The following LRRC7 variants were observed in gnomAD, a reference collection of about 807,000 sequenced individuals.
LRRC7 encodes the protein leucine rich repeat containing 7, also known as leucine-rich repeat-containing protein 7.
LRRC7 carries 23 observed loss-of-function variants against 175.7 expected under a neutral mutation model. That is an observed-to-expected ratio of 0.13 (90% confidence interval 0.09 to 0.19). LRRC7 has a LOEUF of 0.19. Among genes scored for constraint, LRRC7 ranks in the 10% least tolerant of loss-of-function variants. LRRC7 has a pLI of 1.00. For missense variants in LRRC7, 1,354 were observed against 1,904.7 expected (o/e 0.71, Z 5.38); for synonymous variants, 685 against 680.9 (o/e 1.01, Z -0.09).
In LRRC7 at chr1:69,931,562, G is replaced by A. The variant is rs140920935; in HGVS notation, c.703G>A (p.Gly235Ser). The A allele has an allele frequency of 1.3e-5, 21 of 1,613,158 alleles. No homozygotes were observed. The highest frequency in any genetic ancestry group is 8.0e-5 in the African/African-American group (6 of 74,890). The change falls in exon 8 of 27, where the codon GGT becomes AGT. Residue 235 changes from glycine (G) to serine (S), a missense_variant. Physicochemically the swap from Gly to Ser is moderately conservative, Grantham distance 56. Coordinates refer to ENST00000651989, the MANE Select transcript of LRRC7 (RefSeq NM_001370785.2). ...ACTTGACCTAGGCAATAATGAATTC[G>A]GTGAGCTGGTAAGCAAATGCATTTT... is the stretch of plus-strand genomic sequence containing the variant. ...ERLDLGNNEF[G>S]ELPEVLDQIQ... is the part of the protein sequence containing the mutation.
At chr1:69,624,350 C>CAT (rs1375623229) in intron 1 of LRRC7, among the ~76,000 whole-genome samples, 4 of 152,124 alleles carry the variant, frequency 2.6e-5, no homozygotes, top group African/African-American at 7.2e-5. Flanking sequence ...TAAAGATGCA[C>CAT]ATATATATAT....
chr1:69,731,710 A>G (rs1667600566), intron 2 of LRRC7, among the ~76,000 whole-genome samples: 1 of 152,224 alleles, frequency 6.6e-6, no homozygotes, highest in African/African-American at 2.4e-5. Flanking sequence ...AAAATGTTCA[A>G]TGTCCAAAGT....
At chr1:69,703,279 T>C (rs993859582) in intron 2 of LRRC7, among the ~76,000 whole-genome samples, 1 of 151,792 alleles carries the variant, frequency 6.6e-6, no homozygotes, top group Non-Finnish European at 1.5e-5. Flanking sequence ...ATTAAATAGA[T>C]TATTTACTTT....
intron 7 of LRRC7, chr1:69,919,410 C>CA: frequency 1.3e-6 from 1 of 763,348 alleles, no homozygotes; most frequent in Non-Finnish European, 2.2e-6. Flanking sequence ...TGAGCCGCCC[C>CA]TCAGGCCGAG....
At chr1:69,980,506 G>C in intron 9 of LRRC7, 53 bp downstream of exon 9, 1 of 1,334,634 alleles carries the variant, frequency 7.5e-7, no homozygotes. Context: ...TACGTTTGTT[G>C]TATTTGATCA....
intron 18 of LRRC7, among the ~76,000 whole-genome samples, chr1:70,032,019 G>T (rs1232157841): frequency 6.6e-6 from 1 of 152,004 alleles, no homozygotes; most frequent in African/African-American, 2.4e-5. Context: ...GGATGGTCTC[G>T]ATCTCCTGAC....
chr1:70,052,073 G>T (rs141068701), intron 22 of LRRC7, among the ~76,000 whole-genome samples: 227 of 152,100 alleles, frequency 1.5e-3, no homozygotes, highest in African/African-American at 5.3e-3. Flanking sequence ...GCAGAAAATG[G>T]CATAGGAAAC....
At chr1:69,756,353 C>G (rs1670422793) in intron 2 of LRRC7, among the ~76,000 whole-genome samples, 1 of 151,428 alleles carries the variant, frequency 6.6e-6, no homozygotes, top group South Asian at 2.1e-4. Flanking sequence ...AAATGAAGAA[C>G]TTATCAATTA....
intron 22 of LRRC7, among the ~76,000 whole-genome samples, chr1:70,047,725 A>C (rs1660439996): frequency 6.6e-6 from 1 of 152,068 alleles, no homozygotes; most frequent in Non-Finnish European, 1.5e-5. Context: ...AGCTAAATAT[A>C]GGCTTTCTAT....
intron 1 of LRRC7, among the ~76,000 whole-genome samples, chr1:69,655,003 C>T (rs1216560917): frequency 6.6e-6 from 1 of 151,982 alleles, no homozygotes; most frequent in African/African-American, 2.4e-5. Flanking sequence ...GAGGTTTTCC[C>T]CTAAGCTGGT....
chr1:69,700,214 T>G (rs1302789379), intron 2 of LRRC7, among the ~76,000 whole-genome samples: 1 of 152,084 alleles, frequency 6.6e-6, no homozygotes, highest in Non-Finnish European at 1.5e-5. Context: ...ACTGTCTGTG[T>G]TTGGGTGATA....
intron 26 of LRRC7, among the ~76,000 whole-genome samples, chr1:70,111,875 A>G (rs1172344699): frequency 6.6e-6 from 1 of 152,202 alleles, no homozygotes; most frequent in Non-Finnish European, 1.5e-5. Flanking sequence ...TATAATTTAT[A>G]GAGATTTAGT....
chr1:70,119,410 TC>T (rs1310462761), intron 26 of LRRC7, among the ~76,000 whole-genome samples: 2 of 152,168 alleles, frequency 1.3e-5, no homozygotes, highest in African/African-American at 4.8e-5. Flanking sequence ...TATTTCCCCT[TC>T]TGAATGGCTA....
chr1:69,755,974 A>G (rs949436124), intron 2 of LRRC7, among the ~76,000 whole-genome samples: 6 of 151,938 alleles, frequency 3.9e-5, no homozygotes, highest in Admixed American at 3.3e-4. Context: ...ATGAAGATCA[A>G]AAGAAACAAG....
At chr1:70,047,420 C>T (rs550799577) in intron 22 of LRRC7, among the ~76,000 whole-genome samples, 5 of 152,258 alleles carry the variant, frequency 3.3e-5, no homozygotes, top group Admixed American at 1.3e-4. Context: ...TCCCCACCCT[C>T]TCTGTTTGCC....
intron 24 of LRRC7, among the ~76,000 whole-genome samples, chr1:70,078,825 C>T (rs1662996873): frequency 9.6e-5 from 2 of 20,874 alleles, no homozygotes; most frequent in South Asian, 2.7e-3. Flanking sequence ...CACACACACG[C>T]ACACACACAC....
intron 3 of LRRC7, among the ~76,000 whole-genome samples, chr1:69,787,725 C>T (rs1674645701): frequency 1.3e-5 from 2 of 152,116 alleles, no homozygotes; most frequent in Admixed American, 1.3e-4. Context: ...AAGACACTTT[C>T]CCCATTGCTT....
intron 11 of LRRC7, among the ~76,000 whole-genome samples, chr1:70,003,086 T>G (rs1655680627): frequency 6.6e-6 from 1 of 152,132 alleles, no homozygotes; most frequent in African/African-American, 2.4e-5. Flanking sequence ...TAGGTTTTAT[T>G]CTGAGCCCTC....
At chr1:69,920,625 C>T (rs1476494164) in intron 7 of LRRC7, among the ~76,000 whole-genome samples, 1 of 152,134 alleles carries the variant, frequency 6.6e-6, no homozygotes, top group Non-Finnish European at 1.5e-5. Flanking sequence ...AGCTTTATAT[C>T]ATACTCTCCT....
Sources: gnomAD v4.1 joint callset for allele counts (sites outside exome capture counted in the v4.1 genomes callset) on GRCh38, gnomAD v4.1.1 for gene constraint, MANE v1.5 for transcripts, NCBI Gene and HGNC (gene_info 2026-07-23, HGNC 2026-07-21) for gene names.